The following PCDHA9 variants were observed in gnomAD, a reference collection of about 807,000 sequenced individuals.
PCDHA9 encodes protocadherin alpha 9, also known as protocadherin alpha-9.
PCDHA9 carries 62 observed loss-of-function variants against 62.0 expected under a neutral mutation model. The ratio of observed to expected loss-of-function variants is 1.00; its 90% CI spans 0.81 to 1.23. PCDHA9 has a LOEUF of 1.23. Among genes scored for constraint, PCDHA9 ranks in the 50% most tolerant of loss-of-function variants. The pLI is 0.00. For synonymous variants in PCDHA9, 557 were observed against 567.6 expected, an observed-to-expected ratio of 0.98 and a Z score of 0.27; for missense variants, 1,205 against 1,249.8, an observed-to-expected ratio of 0.96 and a Z score of 0.54.
chr5:140,947,772 G>A (rs77655739), intron 1 of PCDHA9, among the ~76,000 whole-genome samples: 3,551 of 151,528 alleles, frequency 0.023, 49 homozygotes, highest in Middle Eastern at 0.034. Flanking sequence ...AAATTCTATT[G>A]TAAATGGATT....
intron 1 of PCDHA9, among the ~76,000 whole-genome samples, chr5:140,881,594 A>C (rs1464236535): frequency 6.6e-6 from 1 of 152,244 alleles, no homozygotes; most frequent in Non-Finnish European, 1.5e-5. Flanking sequence ...AGGGAAATTT[A>C]TTAATATGAT....
intron 1 of PCDHA9, among the ~76,000 whole-genome samples, chr5:140,936,092 C>T (rs941947685): frequency 1.3e-5 from 2 of 152,034 alleles, no homozygotes; most frequent in Admixed American, 6.6e-5. Context: ...AGGGTTTCAC[C>T]ATGTTGGCCA....
Position 141,011,490 on chromosome 5 carries a change from A to T in PCDHA9, c.*1553A>T, listed in dbSNP as rs2098420792. On this transcript the variant is annotated 3_prime_UTR_variant, in exon 4 of 4. Transcript: ENST00000532602. ...GTAATTCCATTATATTTCCTTTTGT[A>T]CACCTGTGAAAAAGTGGAGTAGTGT... The T allele has an allele frequency of 1.3e-5, 2 of 153,734 alleles. No homozygotes were observed. The highest frequency in any genetic ancestry group is 2.9e-5 in the Non-Finnish European group (2 of 68,036). 9.5% of individuals were successfully genotyped at this position (153,734 alleles called of 1,614,324 possible). A position where few individuals can be genotyped will look rare whatever the true frequency, so the allele number is the denominator to read the frequency against.
chr5:141,007,694 C>T (rs1466885866), intron 3 of PCDHA9, among the ~76,000 whole-genome samples: 1 of 152,186 alleles, frequency 6.6e-6, no homozygotes, highest in Non-Finnish European at 1.5e-5. Context: ...CTTCCACCTC[C>T]CTCCTCTGCC....
chr5:140,985,389 C>T (rs1376347712), intron 3 of PCDHA9, among the ~76,000 whole-genome samples: 1 of 152,266 alleles, frequency 6.6e-6, no homozygotes, highest in African/African-American at 2.4e-5. Context: ...AATCCAGTCA[C>T]CCCAACTGTT....
intron 1 of PCDHA9, among the ~76,000 whole-genome samples, chr5:140,910,110 G>A (rs964418352): frequency 6.6e-6 from 1 of 152,194 alleles, no homozygotes; most frequent in South Asian, 2.1e-4. Flanking sequence ...TCATTTAAGG[G>A]ATTCTAGGTC....
chr5:140,849,974 G>C lies in PCDHA9; in HGVS notation c.1479G>C (p.Ser493=), dbSNP rs190398483. The C allele has an allele frequency of 8.8e-6, 14 of 1,597,556 alleles. 2 individuals are homozygous for C. In the South Asian group the frequency reaches 1.4e-4, roughly 16 times the overall value. ...DAQENALVSY[S]LVERRLGERS... ...AGGAGAACGCCCTGGTGTCCTACTC[G>C]CTGGTGGAGCGGCGGTTGGGCGAGC... is the stretch of plus-strand genomic sequence containing the variant. Residue 493 remains serine (S), a synonymous_variant, in exon 1 of 4, where the codon TCG becomes TCC. Transcript: ENST00000532602.
chr5:140,863,393 C>T (rs782189753), intron 1 of PCDHA9: 2 of 924,736 alleles, frequency 2.2e-6, no homozygotes, highest in African/African-American at 1.7e-5. Context: ...TCGTGCATGC[C>T]GGGCAAGCCC....
chr5:140,994,141 C>T (rs782520855), intron 3 of PCDHA9, among the ~76,000 whole-genome samples: 1 of 152,256 alleles, frequency 6.6e-6, no homozygotes, highest in African/African-American at 2.4e-5. Context: ...TAATGCCCTA[C>T]GTAGGTAGGG....
intron 1 of PCDHA9, among the ~76,000 whole-genome samples, chr5:140,897,896 T>C (rs1377037458): frequency 6.6e-6 from 1 of 152,204 alleles, no homozygotes; most frequent in Non-Finnish European, 1.5e-5. Context: ...TGGTGTGAGA[T>C]GGTATCTCAT....
intron 1 of PCDHA9, chr5:140,876,978 C>T (rs1206745884): frequency 1.2e-5 from 20 of 1,612,518 alleles, no homozygotes; most frequent in African/African-American, 6.7e-5. Flanking sequence ...TGGGCGAGCA[C>T]GCACTGTCGA....
intron 1 of PCDHA9, chr5:140,877,777 C>T: frequency 6.2e-7 from 1 of 1,614,172 alleles, no homozygotes; most frequent in South Asian, 1.1e-5. Context: ...CAAGACGGAC[C>T]TCATGGCCTT....
chr5:140,928,557 C>G lies in PCDHA9; in HGVS notation c.2395-50392C>G, dbSNP rs556688707. 7 of 1,614,238 alleles carry G rather than the reference C, an allele frequency of 4.3e-6. 1 individual carries two copies. The East Asian group carries it at 1.6e-4, about 36-fold the overall frequency. On this transcript the variant is annotated intron_variant, in intron 1 of 3. Coordinates refer to ENST00000532602, the MANE Select transcript of PCDHA9 (RefSeq NM_031857.2). ...ATAGGAATGACAATTATCCGGTTAT[C>G]TTGTTTCCCTTGCCCAGAAATGGTT...
chr5:140,879,227 T>C (rs1474080938), intron 1 of PCDHA9, among the ~76,000 whole-genome samples: 5 of 152,126 alleles, frequency 3.3e-5, no homozygotes, highest in Admixed American at 6.5e-5. Flanking sequence ...GAAAAAGACA[T>C]ATACAAGAGG....
At position 140,850,598 on chromosome 5, in the gene PCDHA9, C is replaced by A. The variant is rs1358773904; in HGVS notation, c.2103C>A (p.Ile701=). 1 of 1,598,460 alleles carries A rather than the reference C, an allele frequency of 6.3e-7. No homozygotes were observed. Among genetic ancestry groups the A allele is most frequent in the Non-Finnish European group, 8.6e-7 (1 of 1,167,892 alleles). Residue 701 remains isoleucine, a synonymous_variant, in exon 1 of 4, where the codon ATC becomes ATA. Transcript: ENST00000532602. ...VTLVDVNVYL[I]IAICAVSSLL... is the part of the protein sequence containing the mutation. ...TGGTGGATGTCAACGTGTACCTGAT[C>A]ATCGCCATCTGCGCGGTGTCTAGCC... is the stretch of plus-strand genomic sequence containing the variant.
intron 1 of PCDHA9, among the ~76,000 whole-genome samples, chr5:140,886,130 C>T (rs2060865178): frequency 6.6e-6 from 1 of 152,144 alleles, no homozygotes; most frequent in African/African-American, 2.4e-5. Flanking sequence ...TCCGTAACAA[C>T]CAGATTCTTG....
At chr5:140,940,636 C>A (rs1554213535) in intron 1 of PCDHA9, among the ~76,000 whole-genome samples, 1 of 152,106 alleles carries the variant, frequency 6.6e-6, no homozygotes. Flanking sequence ...TTAAGCTTGT[C>A]ATTTATTTAT....
chr5:140,906,296 A>G (rs1378311950), intron 1 of PCDHA9, among the ~76,000 whole-genome samples: 9 of 152,226 alleles, frequency 5.9e-5, no homozygotes, highest in Non-Finnish European at 1.5e-5. Flanking sequence ...GACAATAATA[A>G]GGTCATAATT....
At chr5:140,917,815 G>T (rs554230002) in intron 1 of PCDHA9, among the ~76,000 whole-genome samples, 1 of 152,018 alleles carries the variant, frequency 6.6e-6, no homozygotes, top group South Asian at 2.1e-4. Context: ...TATAGTTGAA[G>T]TTGGGTAGTG....
Sources: allele counts gnomAD v4.1 joint callset (sites outside exome capture counted in the v4.1 genomes callset), GRCh38; gene constraint gnomAD v4.1.1; transcripts MANE v1.5; gene names NCBI Gene and HGNC (gene_info 2026-07-23, HGNC 2026-07-21).